The following DOCK6 variants were observed in gnomAD, a reference collection of about 807,000 sequenced individuals.
DOCK6 encodes the protein dedicator of cytokinesis 6, also known as dedicator of cytokinesis protein 6.
DOCK6 carries 167 observed loss-of-function variants against 230.3 expected under a neutral mutation model. The ratio of observed to expected loss-of-function variants is 0.73; its 90% CI spans 0.64 to 0.82. DOCK6 has a LOEUF of 0.82. DOCK6 is among the 40% of genes least tolerant of loss of function. DOCK6 has a pLI of 0.00. For synonymous variants in DOCK6, 1,148 were observed against 1,185.0 expected, an observed-to-expected ratio of 0.97 and a Z score of 0.64; for missense variants, 2,598 against 2,825.8, an observed-to-expected ratio of 0.92 and a Z score of 1.83.
Position 11,201,372 on chromosome 19 carries a change from G to A in DOCK6, c.5689-320C>T, listed in dbSNP as rs2079166443. Among the ~76,000 whole-genome samples the A allele has an allele frequency of 6.6e-6, 1 of 152,112 alleles. No individual in the cohort carries two copies. Among genetic ancestry groups the A allele is most frequent in the African/African-American group, 2.4e-5 (1 of 41,412 alleles). The stretch of plus-strand genomic sequence containing the variant: ...GTACATGAGCCAATTTCTGGGTCTA[G>A]CGTGTCCACGCCTCTCCTCTCTGGG... On this transcript the variant is annotated intron_variant, in intron 44 of 47. Transcript: ENST00000294618. This position sits in a 1 kb window ranked among gnomAD's most constrained non-coding sequence, Gnocchi z 4.3.
Position 11,242,107 on chromosome 19 carries a change from C to T in DOCK6, c.1581G>A (p.Arg527=), listed in dbSNP as rs372197994. Reference sequence around the variant, plus strand: ...GGAACTCCAGAATCTCCTTGGTGGGCCGGCCCCTGGGGTCCGGGTAGGGCT... The same window carrying T: ...GGAACTCCAGAATCTCCTTGGTGGGTCGGCCCCTGGGGTCCGGGTAGGGCT... ...HIKPYPDPRG[R]PTKEILEFPA... Residue 527 remains arginine, a synonymous_variant, in exon 14 of 48, where the codon CGG becomes CGA. Transcript: ENST00000294618. 2.0e-6 allele frequency: 3 copies of T among 1,521,130 alleles called. No individual in the cohort carries two copies. The highest frequency in any genetic ancestry group is 1.8e-6 in the Non-Finnish European group (2 of 1,137,718). The allele number at this position is 1,521,130 out of a possible 1,614,324, so 94.2% of individuals were successfully genotyped here. A position where few individuals can be genotyped will look rare whatever the true frequency, so the allele number is the denominator to read the frequency against.
chr19:11,253,009 G>T lies in DOCK6; in HGVS notation c.133-51C>A, dbSNP rs1039117859. On this transcript the variant is annotated intron_variant, in intron 2 of 47. Transcript: ENST00000294618. ...TCGCACTACCTAGGAGGCTGAGAGT[G>T]GGGGCACGAGGCAGGGGTGGGTGCG... is the stretch of plus-strand genomic sequence containing the variant. 4 of 1,535,466 alleles carry T rather than the reference G, an allele frequency of 2.6e-6. No individual in the cohort carries two copies. The East Asian group carries it at 7.2e-5, about 28-fold the overall frequency.
rs573580688 is a variant in DOCK6 at position 11,201,988 on chromosome 19, G to A, written c.5589C>T (p.His1863=). The A allele has an allele frequency of 6.8e-6, 11 of 1,614,008 alleles. No homozygotes were observed. Among genetic ancestry groups the A allele is most frequent in the South Asian group, 6.6e-5 (6 of 91,082 alleles). The stretch of plus-strand genomic sequence containing the variant: ...GCTTGTGTTGCTCGGGCAGCTCCCC[G>A]TGTGCGCGCCCATCCGGCGTGAACG... The part of the protein sequence containing the change: ...CTPFTPDGRA[H]GELPEQHKRK... The change falls in exon 44 of 48, where the codon CAC becomes CAT. Residue 1863 remains histidine (H), a synonymous_variant. Coordinates refer to ENST00000294618, the MANE Select transcript of DOCK6 (RefSeq NM_020812.4). The surrounding 1 kb of genome is among the most constrained non-coding windows in gnomAD (Gnocchi z 4.3).
chr19:11,211,693 C>G (rs2079388838), intron 37 of DOCK6, 83 bp downstream of exon 37: 3 of 1,144,420 alleles, frequency 2.6e-6, no homozygotes, highest in Non-Finnish European at 2.5e-6. Flanking sequence ...TCCTCACCTC[C>G]TTAGACATCT....
intron 9 of DOCK6, among the ~76,000 whole-genome samples, chr19:11,244,205 C>T (rs899945899): frequency 1.3e-5 from 2 of 151,784 alleles, no homozygotes; most frequent in African/African-American, 2.4e-5. Context: ...ACAGGGGTCT[C>T]GCTATGTTGC....
chr19:11,209,042 C>G lies in DOCK6; in HGVS notation c.4813G>C (p.Gly1605Arg). ...LRLTWLQNMA[G>R]KHAELGNHAE... ...TGGTTGCCCAGCTCCGCGTGCTTCC[C>G]GGCCATGTTCTGCAACCAGGTCAGC... Residue 1605 changes from glycine (G) to arginine (R), a missense_variant, in exon 38 of 48, where the codon GGG (glycine) becomes CGG (arginine). Gly to Arg is a moderately radical substitution (Grantham distance 125). Coordinates refer to ENST00000294618, the MANE Select transcript of DOCK6 (RefSeq NM_020812.4). 6.2e-7 allele frequency: 1 copy of G among 1,612,214 alleles called. No homozygotes were observed. The highest frequency in any genetic ancestry group is 8.5e-7 in the Non-Finnish European group (1 of 1,179,406).
At chr19:11,238,537 G>T in intron 14 of DOCK6, 1 of 541,598 alleles carries the variant, frequency 1.8e-6, no homozygotes. Flanking sequence ...ATTGGGAACA[G>T]TGTGGTAGAG....
rs1414797732 is a variant in DOCK6 at position 11,253,389 on chromosome 19, A to T, written c.132+250T>A. On this transcript the variant is annotated intron_variant, in intron 2 of 47. Coordinates refer to ENST00000294618, the MANE Select transcript of DOCK6 (RefSeq NM_020812.4). ...GTCCAGGTGGCTGGAGATGGGGGAC[A>T]TCAGGAGGGAGCCACTCCCCTGACC... 2.0e-5 allele frequency among the ~76,000 whole-genome samples: 3 copies of T among 152,034 alleles called. No homozygotes were observed. In the East Asian group the frequency reaches 5.8e-4, roughly 29 times the overall value.
chr19:11,262,495 C>T lies in DOCK6; in HGVS notation c.-55G>A. 2.9e-6 allele frequency: 3 copies of T among 1,042,564 alleles called. No individual in the cohort carries two copies. The highest frequency in any genetic ancestry group is 3.5e-6 in the Non-Finnish European group (3 of 867,794). The allele number at this position is 1,042,564 out of a possible 1,614,324, so 64.6% of individuals were successfully genotyped here. On this transcript the variant is annotated 5_prime_UTR_variant, in exon 1 of 48. Transcript: ENST00000294618. ...GGCCCCGGCCCCGCCGCCGCCGCCG[C>T]CTCCCGGTTCTGGGCAGCCGGGGCG... is the stretch of plus-strand genomic sequence containing the variant.
chr19:11,208,773 G>C lies in DOCK6; in HGVS notation c.5001C>G (p.Pro1667=), dbSNP rs201362444. 1 of 1,613,670 alleles carries C rather than the reference G, an allele frequency of 6.2e-7. No individual in the cohort carries two copies. The highest frequency in any genetic ancestry group is 8.5e-7 in the Non-Finnish European group (1 of 1,179,732). ...TCCCGGAGCAGAAGCCCTCCTCGTC[G>C]GGCGACAGGATGTCGTCGGAGATGG... ...ESAISDDILS[P]DEEGFCSGKH... is the part of the protein sequence containing the mutation. Residue 1667 remains proline (P), a synonymous_variant, in exon 39 of 48, where the codon CCC becomes CCG. Transcript: ENST00000294618.
At position 11,237,653 on chromosome 19, in the gene DOCK6, G is replaced by A. The variant is rs200269584; in HGVS notation, c.1959C>T (p.Pro653=). ...GGGGACGGCTCACAGTAAAGCCCAC[G>A]GGTGTCTCCAGGGCAGTGCCCGGCC... The part of the protein sequence containing the change: ...QPRPGTALET[P]VGFTWIPLLQ... Residue 653 remains proline, a synonymous_variant, in exon 17 of 48, where the codon CCC becomes CCT. Coordinates refer to ENST00000294618, the MANE Select transcript of DOCK6 (RefSeq NM_020812.4). 5.0e-4 allele frequency: 796 copies of A among 1,597,574 alleles called. No individual in the cohort carries two copies. The African/African-American group carries it at 8.7e-3, about 17-fold the overall frequency.
chr19:11,228,787 C>T, intron 23 of DOCK6, 153 bp downstream of exon 23: 3 of 626,994 alleles, frequency 4.8e-6, no homozygotes, highest in Non-Finnish European at 5.6e-6. Context: ...TGGTCTCGAT[C>T]TCCTGACCTC....
chr19:11,257,118 C>G (rs983091211), intron 1 of DOCK6, among the ~76,000 whole-genome samples: 1 of 151,434 alleles, frequency 6.6e-6, no homozygotes, highest in Admixed American at 6.6e-5. Context: ...TCCTGAGTAG[C>G]TGGGACAACT....
chr19:11,236,887 A>T lies in DOCK6; in HGVS notation c.2074-8T>A. The stretch of plus-strand genomic sequence containing the variant: ...CATGCCCGGAAGCGCCACCTGTGGG[A>T]GGGAGGCACCAGGTGGGCACTGGTC... On this transcript the variant is annotated splice_region_variant and splice_polypyrimidine_tract_variant and intron_variant, in intron 18 of 47. Transcript: ENST00000294618. This position sits in a 1 kb window ranked among gnomAD's most constrained non-coding sequence, Gnocchi z 5.2. 1.9e-6 allele frequency: 3 copies of T among 1,550,876 alleles called. No individual in the cohort carries two copies. Among genetic ancestry groups the T allele is most frequent in the Non-Finnish European group, 1.7e-6 (2 of 1,147,254 alleles).
chr19:11,215,231 CTG>C (rs1236555588), intron 32 of DOCK6, among the ~76,000 whole-genome samples, 154 bp downstream of exon 32: 1 of 152,148 alleles, frequency 6.6e-6, no homozygotes, highest in Non-Finnish European at 1.5e-5. Context: ...GCATGAGCCA[CTG>C]CGCCCGGCCC....
At chr19:11,258,817 C>T (rs1285101350) in intron 1 of DOCK6, among the ~76,000 whole-genome samples, 10 of 139,300 alleles carry the variant, frequency 7.2e-5, no homozygotes, top group Non-Finnish European at 9.4e-5. Flanking sequence ...AGTGCAGTGG[C>T]GTGATCTCAG....
rs558785822 is a variant in DOCK6 at position 11,252,693 on chromosome 19, G to A, written c.308+90C>T. The A allele has an allele frequency of 5.0e-5, 80 of 1,595,850 alleles. 1 individual carries two copies. The East Asian group carries it at 1.3e-3, about 25-fold the overall frequency. On this transcript the variant is annotated intron_variant, in intron 3 of 47. Transcript: ENST00000294618. ...AAAAGCATGGCTTGTCCAACGTCAC[G>A]GCCAAGCCAGGAGCTGAAGTCGGGC...
At chr19:11,245,995 C>T (rs376433137) in intron 7 of DOCK6, 117 bp from the exon 8 acceptor site, 51 of 1,168,528 alleles carry the variant, frequency 4.4e-5, no homozygotes, top group African/African-American at 1.7e-4. Context: ...CACATGGAAC[C>T]GCCACTTAAG....
intron 1 of DOCK6, among the ~76,000 whole-genome samples, chr19:11,258,605 G>C (rs966068819): frequency 6.7e-6 from 1 of 149,166 alleles, no homozygotes; most frequent in Non-Finnish European, 1.5e-5. Flanking sequence ...GCTAATTTTT[G>C]TATTTTTAGT....
Sources: gnomAD v4.1 joint callset for allele counts (sites outside exome capture counted in the v4.1 genomes callset) on GRCh38, gnomAD v4.1.1 for gene constraint, Gnocchi (gnomAD v3.1) non-coding constraint, MANE v1.5 for transcripts, NCBI Gene and HGNC (gene_info 2026-07-23, HGNC 2026-07-21) for gene names.